Variants in TNFSF4 observed in about 807,000 individuals in gnomAD.
The protein encoded by TNFSF4 is tumor necrosis factor ligand superfamily member 4.
In TNFSF4, 4 loss-of-function variants were observed where a neutral mutation model predicts 7.3. The observed-to-expected ratio is 0.55, with a 90% CI of 0.27 to 1.25. The LOEUF (loss-of-function observed/expected upper bound fraction) is 1.25, where lower values mean the gene tolerates loss of function less well. Among genes scored for constraint, TNFSF4 ranks in the 50% most tolerant of loss-of-function variants. The probability of loss-of-function intolerance (pLI) is 0.12; values close to 1 mark genes in which losing one functional copy is unlikely to be tolerated. For missense variants in TNFSF4, 181 were observed against 208.8 expected, an observed-to-expected ratio of 0.87 and a Z score of 0.82; for synonymous variants, 76 against 83.7, an observed-to-expected ratio of 0.91 and a Z score of 0.50.
chr1:173,368,700 C>T, the TNFSF4 span, among the ~76,000 whole-genome samples: 1 of 151,696 alleles, frequency 6.6e-6, no homozygotes, highest in Non-Finnish European at 1.5e-5. Flanking sequence ...TTCGGGGTCC[C>T]GACAACAAGT....
the TNFSF4 span, among the ~76,000 whole-genome samples, chr1:173,398,066 T>A: frequency 5.9e-5 from 9 of 152,204 alleles, no homozygotes; most frequent in Middle Eastern, 3.2e-3. Context: ...ATTCTCCATA[T>A]CTGTCCATAA....
the TNFSF4 span, among the ~76,000 whole-genome samples, chr1:173,311,426 G>A: frequency 6.6e-6 from 1 of 151,990 alleles, no homozygotes; most frequent in Admixed American, 6.6e-5. Flanking sequence ...ACCAATAAAA[G>A]GGAGGAGCCA....
chr1:173,287,145 C>T, the TNFSF4 span, among the ~76,000 whole-genome samples: 4 of 151,900 alleles, frequency 2.6e-5, no homozygotes, highest in Admixed American at 6.6e-5. Flanking sequence ...CAGCCAGATC[C>T]GATGCCCCCT....
At chr1:173,177,230 G>A in the TNFSF4 span, among the ~76,000 whole-genome samples, 1 of 151,918 alleles carries the variant, frequency 6.6e-6, no homozygotes, top group Non-Finnish European at 1.5e-5. Flanking sequence ...AAGAAAATGT[G>A]GTATATATAC....
At chr1:173,406,802 A>G in the TNFSF4 span, among the ~76,000 whole-genome samples, 2 of 152,126 alleles carry the variant, frequency 1.3e-5, no homozygotes, top group Non-Finnish European at 2.9e-5. Flanking sequence ...GGAGCTGATC[A>G]AAGTAGCTGG....
At chr1:173,276,379 C>G in the TNFSF4 span, among the ~76,000 whole-genome samples, 1 of 152,150 alleles carries the variant, frequency 6.6e-6, no homozygotes, top group African/African-American at 2.4e-5. Flanking sequence ...CACACAGTCT[C>G]AGAGTGTACA....
the TNFSF4 span, among the ~76,000 whole-genome samples, chr1:173,355,994 T>TG: frequency 3.3e-5 from 5 of 152,228 alleles, no homozygotes; most frequent in Non-Finnish European, 7.3e-5. Flanking sequence ...ACCACTATGC[T>TG]GGCCAAGGAA....
At chr1:173,253,865 G>A in the TNFSF4 span, among the ~76,000 whole-genome samples, 2 of 152,160 alleles carry the variant, frequency 1.3e-5, no homozygotes, top group Non-Finnish European at 2.9e-5. Flanking sequence ...GTTGTAGGAC[G>A]TGTATGCAGT....
chr1:173,419,160 A>C, the TNFSF4 span, among the ~76,000 whole-genome samples: 1 of 152,154 alleles, frequency 6.6e-6, no homozygotes, highest in Non-Finnish European at 1.5e-5. Context: ...TAACACGGTG[A>C]AACCCCATCT....
the TNFSF4 span, among the ~76,000 whole-genome samples, chr1:173,420,729 T>G: frequency 1.3e-5 from 2 of 152,210 alleles, no homozygotes; most frequent in East Asian, 3.8e-4. Flanking sequence ...GGAATAAACG[T>G]GTAAAGAAAA....
the TNFSF4 span, among the ~76,000 whole-genome samples, chr1:173,289,875 G>A: frequency 6.6e-6 from 1 of 151,884 alleles, no homozygotes; most frequent in Non-Finnish European, 1.5e-5. Flanking sequence ...ACCTCGGTGA[G>A]CTATAGGGCA....
chr1:173,416,864 T>C, the TNFSF4 span, among the ~76,000 whole-genome samples: 4 of 152,116 alleles, frequency 2.6e-5, no homozygotes, highest in African/African-American at 9.7e-5. Flanking sequence ...CCCAAAGTGC[T>C]GGGATTACAG....
At chr1:173,235,227 G>T in the TNFSF4 span, among the ~76,000 whole-genome samples, 1 of 152,060 alleles carries the variant, frequency 6.6e-6, no homozygotes, top group South Asian at 2.1e-4. Flanking sequence ...GCTAAAATCT[G>T]GTTCTTGTGT....
chr1:173,441,982 A>G, the TNFSF4 span: 3 of 152,256 alleles, frequency 2.0e-5, no homozygotes, highest in African/African-American at 7.2e-5. Context: ...GGTGGATCAA[A>G]ATGCTGAAGT....
the TNFSF4 span, among the ~76,000 whole-genome samples, chr1:173,245,033 C>A: frequency 6.6e-6 from 1 of 151,608 alleles, no homozygotes; most frequent in African/African-American, 2.4e-5. Context: ...TATACTAGAT[C>A]AGTAGTTTTC....
At chr1:173,292,076 A>T in the TNFSF4 span, among the ~76,000 whole-genome samples, 11 of 152,232 alleles carry the variant, frequency 7.2e-5, no homozygotes, top group African/African-American at 2.2e-4. Flanking sequence ...AGCTAGTATC[A>T]ATCCTACTGA....
the TNFSF4 span, among the ~76,000 whole-genome samples, chr1:173,264,338 T>C: frequency 7.5e-6 from 1 of 134,082 alleles, no homozygotes; most frequent in Non-Finnish European, 1.6e-5. Flanking sequence ...TTTTTTTTTT[T>C]TGTAGAGACA....
the TNFSF4 span, among the ~76,000 whole-genome samples, chr1:173,328,520 A>T: frequency 9.2e-5 from 14 of 151,902 alleles, no homozygotes; most frequent in Non-Finnish European, 7.4e-5. Flanking sequence ...TAAAATAAAA[A>T]AATACAAAGT....
the TNFSF4 span, among the ~76,000 whole-genome samples, chr1:173,438,827 A>G: frequency 2.0e-5 from 3 of 152,222 alleles, no homozygotes; most frequent in Admixed American, 6.5e-5. Flanking sequence ...AGACTGAGTA[A>G]AAGTCCAAGG....
Sources: gnomAD v4.1 joint callset for allele counts (sites outside exome capture counted in the v4.1 genomes callset) on GRCh38, gnomAD v4.1.1 for gene constraint, MANE v1.5 for transcripts, NCBI Gene and HGNC (gene_info 2026-07-23, HGNC 2026-07-21) for gene names.